Variants in CFAP61 observed in about 807,000 individuals in gnomAD.
CFAP61 encodes cilia- and flagella-associated protein 61.
In CFAP61, 107 loss-of-function variants were observed where a neutral mutation model predicts 135.6. The observed-to-expected ratio is 0.79, with a 90% CI of 0.67 to 0.93. The LOEUF is 0.93. Ranked by LOEUF, CFAP61 falls within the 40% of genes least tolerant of loss-of-function variation. The probability of loss-of-function intolerance (pLI) is 0.00; values close to 1 mark genes in which losing one functional copy is unlikely to be tolerated. For synonymous variants in CFAP61, 575 were observed against 578.5 expected (o/e 0.99, Z 0.09); for missense variants, 1,507 against 1,556.2 (o/e 0.97, Z 0.53).
chr20:20,058,037 A>G (rs1296057653), intron 2 of CFAP61, among the ~76,000 whole-genome samples: 3 of 152,162 alleles, frequency 2.0e-5, no homozygotes, highest in Non-Finnish European at 2.9e-5. Flanking sequence ...CCTGTTCCGC[A>G]TTATTTTTAT....
intron 25 of CFAP61, among the ~76,000 whole-genome samples, chr20:20,327,777 C>CAAAAA (rs60171844): frequency 0.013 from 772 of 60,356 alleles, 112 homozygotes; most frequent in Middle Eastern, 0.026. Context: ...AAGAGCCTGT[C>CAAAAA]AAAAAAAAAA....
In CFAP61 at chr20:20,052,827, GCCCTTTTAGGCTGCAATGCC is replaced by G; in HGVS notation, c.-37+237_-37+256del. On this transcript the variant is annotated intron_variant, in intron 1 of 26. Transcript: ENST00000245957. Reference sequence around the variant, plus strand: ...CCAGCATGCGACGGGGCGAGCTGCCGCCCTTTTAGGCTGCAATGCCTCGAGCATTGCATTCTAGTAGTCTC... The same window carrying G: ...CCAGCATGCGACGGGGCGAGCTGCCGTCGAGCATTGCATTCTAGTAGTCTC... 5.4e-6 allele frequency: 6 copies of G among 1,107,982 alleles called. No individual in the cohort carries two copies. The South Asian group carries it at 9.4e-5, about 17-fold the overall frequency. The allele number at this position is 1,107,982 out of a possible 1,614,324, so 68.6% of individuals were successfully genotyped here.
chr20:20,065,923 C>T (rs188755635), intron 2 of CFAP61, among the ~76,000 whole-genome samples: 240 of 152,074 alleles, frequency 1.6e-3, no homozygotes, highest in African/African-American at 5.3e-3. Flanking sequence ...GCAGAAAAAG[C>T]GAGTGCTGTT....
intron 22 of CFAP61, among the ~76,000 whole-genome samples, chr20:20,288,358 C>A (rs1463698554): frequency 1.3e-5 from 2 of 152,200 alleles, no homozygotes; most frequent in South Asian, 4.1e-4. Context: ...GGAGATATTT[C>A]ATCACCTGGC....
chr20:20,083,272 G>A (rs903650035), intron 6 of CFAP61, among the ~76,000 whole-genome samples: 1 of 151,900 alleles, frequency 6.6e-6, no homozygotes, highest in Non-Finnish European at 1.5e-5. Context: ...GTTCTCACTT[G>A]TAAGTGGGAG....
chr20:20,201,993 G>C (rs1447586354), intron 17 of CFAP61, among the ~76,000 whole-genome samples: 1 of 148,270 alleles, frequency 6.7e-6, no homozygotes, highest in Non-Finnish European at 1.5e-5. Context: ...CCTACTGTGA[G>C]AATTTTCAGT....
At chr20:20,069,902 G>A in intron 2 of CFAP61, 4 of 311,962 alleles carry the variant, frequency 1.3e-5, no homozygotes, top group South Asian at 1.1e-4. Context: ...AGGAACATGG[G>A]TAACTGCTGC....
At chr20:20,327,777 C>CAATA (rs2057807205) in intron 25 of CFAP61, among the ~76,000 whole-genome samples, 1 of 60,344 alleles carries the variant, frequency 1.7e-5, no homozygotes. Context: ...AAGAGCCTGT[C>CAATA]AAAAAAAAAA....
At chr20:20,266,563 C>G (rs1355722291) in intron 21 of CFAP61, among the ~76,000 whole-genome samples, 1 of 152,186 alleles carries the variant, frequency 6.6e-6, no homozygotes, top group Non-Finnish European at 1.5e-5. Flanking sequence ...AAACTTTTTG[C>G]ATTCGGCCTA....
intron 8 of CFAP61, among the ~76,000 whole-genome samples, chr20:20,133,023 C>T (rs959375822): frequency 8.5e-5 from 13 of 152,102 alleles, no homozygotes; most frequent in African/African-American, 3.1e-4. Context: ...TACCATCTTA[C>T]TTTCTACATG....
chr20:20,236,352 A>G (rs1014558902), intron 18 of CFAP61, among the ~76,000 whole-genome samples: 4 of 152,170 alleles, frequency 2.6e-5, no homozygotes, highest in African/African-American at 9.7e-5. Context: ...AGCCATTTTT[A>G]TAGACATTTG....
intron 9 of CFAP61, among the ~76,000 whole-genome samples, chr20:20,151,012 A>G (rs2052366193): frequency 6.6e-6 from 1 of 152,174 alleles, no homozygotes; most frequent in African/African-American, 2.4e-5. Context: ...TAACACCCCC[A>G]AAAGACCACA....
At position 20,257,190 on chromosome 20, in the gene CFAP61, A is replaced by G. The variant is rs1036484031; in HGVS notation, c.2328+5427A>G. Among the ~76,000 whole-genome samples the G allele has an allele frequency of 3.9e-5, 6 of 152,260 alleles. No homozygotes were observed. The East Asian group carries it at 1.2e-3, about 29-fold the overall frequency. On this transcript the variant is annotated intron_variant, in intron 20 of 26. Transcript: ENST00000245957. The stretch of plus-strand genomic sequence containing the variant: ...GACGAAAAGTGGTGATTCAGTAATT[A>G]TGTGTCCACCTAAATCTCTCATATT...
intron 18 of CFAP61, among the ~76,000 whole-genome samples, chr20:20,229,471 G>A (rs963686576): frequency 1.2e-4 from 19 of 152,146 alleles, no homozygotes; most frequent in Non-Finnish European, 7.3e-5. Context: ...CAAAACTACA[G>A]GTGCTGAGAG....
At chr20:20,096,442 A>G (rs2047577473) in intron 7 of CFAP61, among the ~76,000 whole-genome samples, 1 of 152,272 alleles carries the variant, frequency 6.6e-6, no homozygotes, top group African/African-American at 2.4e-5. Context: ...TGTGTGATCC[A>G]TGCCATTTGA....
At chr20:20,141,015 C>T (rs965531791) in intron 8 of CFAP61, among the ~76,000 whole-genome samples, 9 of 151,790 alleles carry the variant, frequency 5.9e-5, no homozygotes, top group African/African-American at 9.7e-5. Context: ...CTCCGCCTCC[C>T]AGGTTCAAGT....
At position 20,070,844 on chromosome 20, in the gene CFAP61, A is replaced by C. The variant is rs1306570319; in HGVS notation, c.144-10A>C. On this transcript the variant is annotated splice_polypyrimidine_tract_variant and intron_variant, in intron 2 of 26. Transcript: ENST00000245957. ...CTTATTCATGTTTGCAATTGTAATC[A>C]TTTCTGCAGAGAAAAGGCCAACCTT... is the stretch of plus-strand genomic sequence containing the variant. The C allele has an allele frequency of 5.0e-6, 8 of 1,607,280 alleles. No homozygotes were observed. The highest frequency in any genetic ancestry group is 6.8e-6 in the Non-Finnish European group (8 of 1,177,570).
Position 20,122,350 on chromosome 20 carries a change from T to A in CFAP61, c.860-20507T>A, listed in dbSNP as rs148681218. ...TTTGTATTTTTTAGCAGAGATGGGG[T>A]TTCACCATATTGGCCAGGCTGGTCT... On this transcript the variant is annotated intron_variant, in intron 8 of 26. Transcript: ENST00000245957. Among the ~76,000 whole-genome samples the A allele has an allele frequency of 1.2e-3, 189 of 152,192 alleles. 4 individuals are homozygous for A. In the East Asian group the frequency reaches 0.02, roughly 16 times the overall value.
At chr20:20,239,815 A>C (rs2049879731) in intron 18 of CFAP61, among the ~76,000 whole-genome samples, 1 of 152,216 alleles carries the variant, frequency 6.6e-6, no homozygotes, top group Non-Finnish European at 1.5e-5. Context: ...TAATTTAAAA[A>C]GAGGTTTCCA....
Sources: gnomAD v4.1 joint callset for allele counts (sites outside exome capture counted in the v4.1 genomes callset) on GRCh38, gnomAD v4.1.1 for gene constraint, MANE v1.5 for transcripts, NCBI Gene and HGNC (gene_info 2026-07-23, HGNC 2026-07-21) for gene names.